The following AGTR1 variants were observed in gnomAD, a reference collection of about 807,000 sequenced individuals.
AGTR1 encodes angiotensin II receptor type 1.
AGTR1 carries 16 observed loss-of-function variants against 19.4 expected under a neutral mutation model. The ratio of observed to expected loss-of-function variants is 0.82; its 90% CI spans 0.56 to 1.25. AGTR1 has a LOEUF of 1.25. Ranked by LOEUF, AGTR1 falls within the 50% of genes most tolerant of loss-of-function variation. AGTR1 has a pLI of 0.00. For synonymous variants in AGTR1, 153 were observed against 154.9 expected, an observed-to-expected ratio of 0.99 and a Z score of 0.09; for missense variants, 373 against 431.9, an observed-to-expected ratio of 0.86 and a Z score of 1.21.
At chr3:148,724,212 A>G (rs1713804396) in intron 2 of AGTR1, among the ~76,000 whole-genome samples, 3 of 152,186 alleles carry the variant, frequency 2.0e-5, no homozygotes, top group African/African-American at 7.2e-5. Flanking sequence ...CCCCCCTCCA[A>G]GAAAGGGGGA....
intron 2 of AGTR1, chr3:148,739,716 C>A: frequency 8.6e-7 from 1 of 1,156,568 alleles, no homozygotes; most frequent in Non-Finnish European, 1.1e-6. Context: ...ACTCTAAGAA[C>A]ATGTGTTCAG....
intron 2 of AGTR1, among the ~76,000 whole-genome samples, chr3:148,735,862 G>A (rs1714545602): frequency 6.6e-6 from 1 of 152,138 alleles, no homozygotes; most frequent in Non-Finnish European, 1.5e-5. Context: ...GAACAGGATG[G>A]TTTATTGAGC....
chr3:148,699,103 C>T (rs1207832435), intron 1 of AGTR1, among the ~76,000 whole-genome samples: 1 of 152,232 alleles, frequency 6.6e-6, no homozygotes, highest in Non-Finnish European at 1.5e-5. Flanking sequence ...CTTCAGGAGC[C>T]CTCTTTTAAT....
At chr3:148,715,201 T>G (rs964930033) in intron 2 of AGTR1, among the ~76,000 whole-genome samples, 1 of 152,182 alleles carries the variant, frequency 6.6e-6, no homozygotes, top group Non-Finnish European at 1.5e-5. Context: ...ATCCTCACTT[T>G]GTGTTATTTT....
chr3:148,733,651 C>T lies in AGTR1; in HGVS notation c.-47-7338C>T, dbSNP rs182906693. Among the ~76,000 whole-genome samples, 159 of 152,244 alleles carry T rather than the reference C, an allele frequency of 1.0e-3. 1 individual carries two copies. The highest frequency in any genetic ancestry group is 3.5e-3 in the African/African-American group (147 of 41,542). ...GAAAAGAAAAGCTTGTGAGTAGTCT[C>T]CAAGAGCCATATTATTAAAAATGAT... is the stretch of plus-strand genomic sequence containing the variant. On this transcript the variant is annotated intron_variant, in intron 2 of 2. Coordinates refer to ENST00000349243, the MANE Select transcript of AGTR1 (RefSeq NM_000685.5).
In AGTR1 at chr3:148,716,365, G is replaced by C. The variant is rs1215634914; in HGVS notation, c.-48+8338G>C. On this transcript the variant is annotated intron_variant, in intron 2 of 2. Coordinates refer to ENST00000349243, the MANE Select transcript of AGTR1 (RefSeq NM_000685.5). This position sits in a 1 kb window ranked among gnomAD's most constrained non-coding sequence, Gnocchi z 4.7. ...CTGAAATATAATCCAAAGAGAACAA[G>C]ATCTAGTAGAATTTCAGGTCCTAAG... 6.6e-6 allele frequency among the ~76,000 whole-genome samples: 1 copy of C among 152,138 alleles called. No homozygotes were observed. The highest frequency in any genetic ancestry group is 1.5e-5 in the Non-Finnish European group (1 of 68,032).
intron 2 of AGTR1, chr3:148,739,718 T>A: frequency 8.6e-7 from 1 of 1,158,002 alleles, no homozygotes; most frequent in Non-Finnish European, 1.1e-6. Flanking sequence ...TCTAAGAACA[T>A]GTGTTCAGCT....
chr3:148,699,804 GCCACCTTTTTT>G (rs1712214760), intron 1 of AGTR1, among the ~76,000 whole-genome samples: 3 of 151,950 alleles, frequency 2.0e-5, no homozygotes, highest in Non-Finnish European at 4.4e-5. Flanking sequence ...CTCTCTCCCC[GCCACCTTTTTT>G]CCCCCTGACT....
intron 2 of AGTR1, among the ~76,000 whole-genome samples, chr3:148,729,737 G>A (rs938284300): frequency 6.6e-6 from 1 of 152,002 alleles, no homozygotes; most frequent in African/African-American, 2.4e-5. Flanking sequence ...TAGATAGAAT[G>A]GTCTAAATAT....
intron 1 of AGTR1, among the ~76,000 whole-genome samples, chr3:148,701,266 A>T (rs1458076815): frequency 1.3e-5 from 2 of 152,214 alleles, no homozygotes; most frequent in Non-Finnish European, 2.9e-5. Context: ...GACAACTGGA[A>T]ATAGAAAACA....
intron 1 of AGTR1, among the ~76,000 whole-genome samples, chr3:148,698,799 GAGAC>G (rs1276743258): frequency 1.3e-5 from 2 of 152,222 alleles, no homozygotes; most frequent in Non-Finnish European, 2.9e-5. Flanking sequence ...GTGTGTAACT[GAGAC>G]AGAATTTTAG....
At chr3:148,703,014 G>A (rs1180026536) in intron 1 of AGTR1, among the ~76,000 whole-genome samples, 1 of 152,042 alleles carries the variant, frequency 6.6e-6, no homozygotes, top group African/African-American at 2.4e-5. Flanking sequence ...CAATGACAAG[G>A]GTAAAGTGGA....
At chr3:148,726,412 C>T (rs773286382) in intron 2 of AGTR1, among the ~76,000 whole-genome samples, 21 of 152,046 alleles carry the variant, frequency 1.4e-4, no homozygotes, top group Non-Finnish European at 1.8e-4. Context: ...TTTCACCATG[C>T]TGGCCAGGCT....
At chr3:148,728,879 T>A (rs1714098507) in intron 2 of AGTR1, among the ~76,000 whole-genome samples, 1 of 152,250 alleles carries the variant, frequency 6.6e-6, no homozygotes, top group South Asian at 2.1e-4. Flanking sequence ...CTAGAGAGTG[T>A]TAGATATTTC....
chr3:148,710,708 A>G (rs1712932551), intron 2 of AGTR1, among the ~76,000 whole-genome samples: 1 of 152,054 alleles, frequency 6.6e-6, no homozygotes, highest in Non-Finnish European at 1.5e-5. Flanking sequence ...CTTTATTTTT[A>G]TTTAAATTGT....
At position 148,732,250 on chromosome 3, in the gene AGTR1, C is replaced by T. The variant is rs893498524; in HGVS notation, c.-47-8739C>T. On this transcript the variant is annotated intron_variant, in intron 2 of 2. Coordinates refer to ENST00000349243, the MANE Select transcript of AGTR1 (RefSeq NM_000685.5). ...TTGACTTGGTAGTGTCAATAAATAACGTAAGGGATGTCTGACAGGCTTACA... is the reference window on the plus strand; with the variant it reads ...TTGACTTGGTAGTGTCAATAAATAATGTAAGGGATGTCTGACAGGCTTACA... Among the ~76,000 whole-genome samples, 23 of 152,234 alleles carry T rather than the reference C, an allele frequency of 1.5e-4. No individual in the cohort carries two copies. In the South Asian group the frequency reaches 2.1e-3, roughly 14 times the overall value.
At chr3:148,718,417 T>C (rs546905409) in intron 2 of AGTR1, among the ~76,000 whole-genome samples, 66 of 152,298 alleles carry the variant, frequency 4.3e-4, no homozygotes, top group African/African-American at 1.6e-3. Context: ...GTAAATGGGA[T>C]GCCTCATGTT....
At chr3:148,734,539 T>C (rs1714461001) in intron 2 of AGTR1, among the ~76,000 whole-genome samples, 1 of 152,192 alleles carries the variant, frequency 6.6e-6, no homozygotes, top group South Asian at 2.1e-4. Context: ...TTTATTAAGT[T>C]TGAGGAGATT....
intron 2 of AGTR1, among the ~76,000 whole-genome samples, chr3:148,715,686 A>G (rs1185154775): frequency 6.6e-6 from 1 of 152,190 alleles, no homozygotes; most frequent in African/African-American, 2.4e-5. Flanking sequence ...TCACTGTTTT[A>G]GTCAAATAAG....
Sources: allele counts gnomAD v4.1 joint callset (sites outside exome capture counted in the v4.1 genomes callset), GRCh38; gene constraint gnomAD v4.1.1; non-coding constraint Gnocchi (gnomAD v3.1); transcripts MANE v1.5; gene names NCBI Gene and HGNC (gene_info 2026-07-23, HGNC 2026-07-21).